The following HIVEP3 variants were observed in gnomAD, a reference collection of about 807,000 sequenced individuals.
HIVEP3 encodes HIVEP zinc finger 3, also known as transcription factor HIVEP3.
HIVEP3 carries 49 observed loss-of-function variants against 152.8 expected under a neutral mutation model. The ratio of observed to expected loss-of-function variants is 0.32; its 90% CI spans 0.26 to 0.41. HIVEP3 has a LOEUF of 0.41. Ranked by LOEUF, HIVEP3 falls within the 10% of genes least tolerant of loss-of-function variation. HIVEP3 has a pLI of 1.00. For synonymous variants in HIVEP3, 1,269 were observed against 1,289.0 expected (o/e 0.98, Z 0.33); for missense variants, 2,790 against 3,103.3 (o/e 0.90, Z 2.40).
chr1:41,906,173 G>A (rs1312518051), intron 1 of HIVEP3, among the ~76,000 whole-genome samples: 1 of 152,126 alleles, frequency 6.6e-6, no homozygotes, highest in Non-Finnish European at 1.5e-5. Context: ...GCCAAGCGTG[G>A]TGGCATGCAC....
rs1307169153 is a variant in HIVEP3 at position 41,992,812 on chromosome 1, T to C, written n.119+42995A>G. On this transcript the variant is annotated intron_variant and non_coding_transcript_variant, in intron 1 of 3. Transcript: ENST00000489103. ...GTACCAAAACAGAGATATAGATCAATGGAACAGAACAGAGCCCTCAGAAAT... is the reference window on the plus strand; with the variant it reads ...GTACCAAAACAGAGATATAGATCAACGGAACAGAACAGAGCCCTCAGAAAT... Among the ~76,000 whole-genome samples, 673 of 140,926 alleles carry C rather than the reference T, an allele frequency of 4.8e-3. 4 individuals are homozygous for C. The highest frequency in any genetic ancestry group is 0.018 in the African/African-American group (648 of 35,812). The allele number at this position is 140,926 out of a possible 152,430, so 92.5% of individuals were successfully genotyped here.
At chr1:41,635,394 A>G (rs1004101135) in intron 2 of HIVEP3, among the ~76,000 whole-genome samples, 6 of 151,952 alleles carry the variant, frequency 3.9e-5, no homozygotes, top group African/African-American at 1.4e-4. Flanking sequence ...GAAACTAAAA[A>G]AGAATGAAAT....
chr1:41,764,515 G>T (rs1238373475), intron 1 of HIVEP3, among the ~76,000 whole-genome samples: 1 of 152,192 alleles, frequency 6.6e-6, no homozygotes, highest in Non-Finnish European at 1.5e-5. Context: ...TGCAAGGAAA[G>T]TTCAGGTTGT....
At chr1:41,906,018 A>T (rs1304701318) in intron 1 of HIVEP3, among the ~76,000 whole-genome samples, 1 of 152,152 alleles carries the variant, frequency 6.6e-6, no homozygotes, top group Non-Finnish European at 1.5e-5. Context: ...ATGGATAAAA[A>T]ATCTGTGGTG....
intron 1 of HIVEP3, among the ~76,000 whole-genome samples, chr1:41,985,256 G>A (rs986062984): frequency 2.6e-5 from 4 of 152,214 alleles, no homozygotes; most frequent in Non-Finnish European, 4.4e-5. Flanking sequence ...AAGGAGGCAG[G>A]AGCCAGGACA....
chr1:41,612,393 T>C (rs1385400745), intron 3 of HIVEP3, among the ~76,000 whole-genome samples: 1 of 152,202 alleles, frequency 6.6e-6, no homozygotes, highest in Admixed American at 6.5e-5. Context: ...TCATTTAATT[T>C]CACCCAAGTT....
intron 1 of HIVEP3, among the ~76,000 whole-genome samples, chr1:41,908,434 T>C (rs751721856): frequency 3.5e-4 from 53 of 152,194 alleles, no homozygotes; most frequent in Non-Finnish European, 6.8e-4. Flanking sequence ...AACTTGTCTT[T>C]TATCTTAGCC....
chr1:41,746,099 G>C (rs1416075806), intron 1 of HIVEP3, among the ~76,000 whole-genome samples: 1 of 152,168 alleles, frequency 6.6e-6, no homozygotes, highest in Non-Finnish European at 1.5e-5. Context: ...GTTCCACTCT[G>C]AAGCAATCAT....
In HIVEP3 at chr1:41,511,658, G is replaced by A. The variant is rs1644457401; in HGVS notation, c.6406-392C>T. Among the ~76,000 whole-genome samples the A allele has an allele frequency of 6.6e-6, 1 of 152,156 alleles. No individual in the cohort carries two copies. The highest frequency in any genetic ancestry group is 2.1e-4 in the South Asian group (1 of 4,820). ...TTCACCCAGCTTCACTCTTGGACAT[G>A]AGTTCCCACCTGAGGCTCTTTGCCC... On this transcript the variant is annotated intron_variant, in intron 8 of 8. Transcript: ENST00000372583. The surrounding 1 kb of genome is among the most constrained non-coding windows in gnomAD (Gnocchi z 4.9).
chr1:41,875,229 C>T (rs1358706579), intron 1 of HIVEP3, among the ~76,000 whole-genome samples: 1 of 152,214 alleles, frequency 6.6e-6, no homozygotes. Flanking sequence ...CAGCCCCAGC[C>T]CTGCCCTTGA....
chr1:41,541,635 GCT>G (rs1343723914), intron 5 of HIVEP3, among the ~76,000 whole-genome samples: 1 of 152,202 alleles, frequency 6.6e-6, no homozygotes, highest in Non-Finnish European at 1.5e-5. Flanking sequence ...GATGGGTCAT[GCT>G]CTCCAGGTCC....
At chr1:41,894,677 C>A (rs189891464) in intron 1 of HIVEP3, among the ~76,000 whole-genome samples, 26 of 152,240 alleles carry the variant, frequency 1.7e-4, no homozygotes, top group Admixed American at 6.5e-4. Flanking sequence ...TATACTCTAA[C>A]ACAATGTTTT....
At position 41,533,463 on chromosome 1, in the gene HIVEP3, C is replaced by T. The variant is rs568047624; in HGVS notation, c.5208-8553G>A. ...CCAAATCCCGGGCCAGCTCTGCTGTCCCTCTTTCCTGCACAGCCCGGATCT... is the reference window on the plus strand; with the variant it reads ...CCAAATCCCGGGCCAGCTCTGCTGTTCCTCTTTCCTGCACAGCCCGGATCT... On this transcript the variant is annotated intron_variant, in intron 5 of 8. Transcript: ENST00000372583. The surrounding 1 kb of genome is among the most constrained non-coding windows in gnomAD (Gnocchi z 4.3). Among the ~76,000 whole-genome samples the T allele has an allele frequency of 6.6e-6, 1 of 152,230 alleles. No individual in the cohort carries two copies. The highest frequency in any genetic ancestry group is 2.1e-4 in the South Asian group (1 of 4,820).
chr1:42,027,914 CA>C (rs1195375071), intron 1 of HIVEP3, among the ~76,000 whole-genome samples: 1 of 152,190 alleles, frequency 6.6e-6, no homozygotes, highest in Admixed American at 6.5e-5. Flanking sequence ...GCCCCTCCCA[CA>C]ACATGTGGGA....
chr1:41,613,088 A>T (rs1183279800), intron 3 of HIVEP3, among the ~76,000 whole-genome samples: 1 of 152,246 alleles, frequency 6.6e-6, no homozygotes, highest in Admixed American at 6.5e-5. Context: ...AGCCAGGAGC[A>T]CTGGGCGCGG....
chr1:41,798,743 A>T (rs1201076063), intron 1 of HIVEP3, among the ~76,000 whole-genome samples: 2 of 152,194 alleles, frequency 1.3e-5, no homozygotes, highest in African/African-American at 4.8e-5. Context: ...ACTTTGGTCC[A>T]TTCAATAAAT....
chr1:41,670,056 CTTTG>C (rs1645850930), intron 2 of HIVEP3, among the ~76,000 whole-genome samples: 3 of 152,198 alleles, frequency 2.0e-5, no homozygotes, highest in Admixed American at 1.3e-4. Context: ...GGGAGGGCCT[CTTTG>C]CAGATGGGCA....
intron 1 of HIVEP3, among the ~76,000 whole-genome samples, chr1:41,738,891 T>A (rs1646956057): frequency 6.6e-6 from 1 of 152,188 alleles, no homozygotes; most frequent in East Asian, 1.9e-4. Flanking sequence ...AGCACTCACA[T>A]CCCCAAGAGG....
At chr1:41,676,083 G>C (rs190340254) in intron 2 of HIVEP3, among the ~76,000 whole-genome samples, 2 of 151,126 alleles carry the variant, frequency 1.3e-5, no homozygotes, top group African/African-American at 4.9e-5. Flanking sequence ...ACGGAGTCTT[G>C]CTCTGTCCCT....
Sources: gnomAD v4.1 joint callset for allele counts (sites outside exome capture counted in the v4.1 genomes callset) on GRCh38, gnomAD v4.1.1 for gene constraint, Gnocchi (gnomAD v3.1) non-coding constraint, MANE v1.5 for transcripts, NCBI Gene and HGNC (gene_info 2026-07-23, HGNC 2026-07-21) for gene names.